Variants in HDAC4 observed in about 807,000 individuals in gnomAD.
The protein encoded by HDAC4 is histone deacetylase A.
Under a neutral mutation model 135.1 loss-of-function variants are expected in HDAC4, and 16 were observed. The ratio of observed to expected loss-of-function variants is 0.12; its 90% confidence interval spans 0.08 to 0.18. The LOEUF (loss-of-function observed/expected upper bound fraction) is 0.18, where lower values mean the gene tolerates loss of function less well. Ranked by LOEUF, HDAC4 falls within the 10% of genes least tolerant of loss-of-function variation. The probability of loss-of-function intolerance (pLI) is 1.00; values close to 1 mark genes in which losing one functional copy is unlikely to be tolerated. For missense variants in HDAC4, 1,143 were observed against 1,511.8 expected (o/e 0.76, Z 4.05); for synonymous variants, 685 against 653.4 (o/e 1.05, Z -0.74).
At chr2:239,064,260 G>C (rs1285536678) in intron 24 of HDAC4, among the ~76,000 whole-genome samples, 1 of 152,360 alleles carries the variant, frequency 6.6e-6, no homozygotes. Flanking sequence ...AATAAAGCAG[G>C]TTTGTCTCAG....
Position 239,245,985 on chromosome 2 carries a change from G to A in HDAC4, c.23-9321C>T, listed in dbSNP as rs1468668639. 6.6e-6 allele frequency among the ~76,000 whole-genome samples: 1 copy of A among 152,160 alleles called. No individual in the cohort carries two copies. Among genetic ancestry groups the A allele is most frequent in the South Asian group, 2.1e-4 (1 of 4,822 alleles). ...GGCCTGGCCCCGGCCCAGCAGAACC[G>A]GCAACCCACACTGGCTGCCTGCGTC... On this transcript the variant is annotated intron_variant, in intron 2 of 26. Coordinates refer to ENST00000543185, the MANE Select transcript of HDAC4 (RefSeq NM_001378414.1). This position sits in a 1 kb window ranked among gnomAD's most constrained non-coding sequence, Gnocchi z 4.4.
intron 6 of HDAC4, chr2:239,162,184 T>C (rs531475591): frequency 6.6e-6 from 3 of 456,762 alleles, no homozygotes; most frequent in East Asian, 1.4e-4. Context: ...TGTGCTCCTC[T>C]TCAGAAAGGG....
chr2:239,388,901 C>T (rs1247767585), intron 1 of HDAC4, among the ~76,000 whole-genome samples: 4 of 152,186 alleles, frequency 2.6e-5, no homozygotes, highest in Non-Finnish European at 5.9e-5. Flanking sequence ...CCGGGTTTTC[C>T]CAGGAAGCAG....
At chr2:239,385,159 G>C (rs1288313235) in intron 1 of HDAC4, among the ~76,000 whole-genome samples, 1 of 152,296 alleles carries the variant, frequency 6.6e-6, no homozygotes, top group East Asian at 1.9e-4. Flanking sequence ...CATAGCCCCT[G>C]ACTGCTTTGC....
At chr2:239,110,498 G>A (rs2038571883) in intron 14 of HDAC4, among the ~76,000 whole-genome samples, 1 of 152,124 alleles carries the variant, frequency 6.6e-6, no homozygotes, top group Non-Finnish European at 1.5e-5. Flanking sequence ...GGGTCATCTG[G>A]CTGCTCCTGT....
chr2:239,144,781 G>GT (rs2041641520), intron 7 of HDAC4, 67 bp from the exon 8 acceptor site: 6 of 1,573,512 alleles, frequency 3.8e-6, no homozygotes, highest in African/African-American at 2.7e-5. Context: ...CCTGTTGGTG[G>GT]TTTTTTAAAA....
intron 2 of HDAC4, among the ~76,000 whole-genome samples, chr2:239,301,268 G>C (rs924864392): frequency 6.6e-6 from 1 of 152,136 alleles, no homozygotes; most frequent in Non-Finnish European, 1.5e-5. Context: ...CCACGACGAG[G>C]GGCGATGGTG....
chr2:239,120,679 G>C (rs904941790), intron 12 of HDAC4, among the ~76,000 whole-genome samples: 1 of 152,028 alleles, frequency 6.6e-6, no homozygotes, highest in East Asian at 2.0e-4. Context: ...ACCCTGTGGG[G>C]CTGCCCCATC....
intron 2 of HDAC4, among the ~76,000 whole-genome samples, chr2:239,343,623 C>T (rs1692436495): frequency 6.6e-6 from 1 of 152,246 alleles, no homozygotes. Flanking sequence ...CAGGGGGCTT[C>T]CATGCCCAGC....
intron 2 of HDAC4, among the ~76,000 whole-genome samples, chr2:239,249,344 G>A (rs955344325): frequency 1.3e-5 from 2 of 152,182 alleles, no homozygotes; most frequent in Non-Finnish European, 2.9e-5. Flanking sequence ...CGGGGGAGGC[G>A]GAGAGAGAGC....
At chr2:239,106,237 G>A (rs2038119985) in intron 15 of HDAC4, among the ~76,000 whole-genome samples, 1 of 152,154 alleles carries the variant, frequency 6.6e-6, no homozygotes, top group Admixed American at 6.5e-5. Flanking sequence ...CAGGGTCTTT[G>A]CTTTCTCACT....
rs1324313734 is a variant in HDAC4, at chr2:239,104,554, C to T, written c.2113-1658G>A. ...CAGGGCTTCTCATTTCTAATGACTT[C>T]AGGAAGCCCACATGTGTGTACAGGC... On this transcript the variant is annotated intron_variant, in intron 15 of 26. Transcript: ENST00000543185. Among the ~76,000 whole-genome samples, 4 of 152,214 alleles carry T rather than the reference C, an allele frequency of 2.6e-5. No homozygotes were observed. In the South Asian group the frequency reaches 8.3e-4, roughly 32 times the overall value.
intron 3 of HDAC4, among the ~76,000 whole-genome samples, chr2:239,229,158 TAAATAA>T (rs1427844330): frequency 7.9e-5 from 12 of 151,996 alleles, no homozygotes; most frequent in Admixed American, 7.2e-4. Flanking sequence ...TCTCAAAAAA[TAAATAA>T]AAATAAAAAT....
At chr2:239,390,224 C>T (rs1273432074) in intron 1 of HDAC4, among the ~76,000 whole-genome samples, 1 of 152,222 alleles carries the variant, frequency 6.6e-6, no homozygotes, top group East Asian at 1.9e-4. Context: ...AGAAATACCT[C>T]CCTGCTCAAT....
At chr2:239,194,952 T>C (rs1223150023) in intron 3 of HDAC4, among the ~76,000 whole-genome samples, 1 of 152,158 alleles carries the variant, frequency 6.6e-6, no homozygotes, top group East Asian at 1.9e-4. Context: ...TCCAGCTCGG[T>C]GCGCGTCTCC....
chr2:239,190,191 C>T, intron 3 of HDAC4, 114 bp from the exon 4 acceptor site: 2 of 1,395,086 alleles, frequency 1.4e-6, no homozygotes, highest in East Asian at 2.4e-5. Flanking sequence ...GGGGTTGTGA[C>T]CATTTGAGGA....
intron 17 of HDAC4, 152 bp downstream of exon 17, chr2:239,094,858 C>A (rs2036858083): frequency 6.4e-7 from 1 of 1,570,872 alleles, no homozygotes. Flanking sequence ...TCTCGGCTCA[C>A]ACGGCCTTTG....
intron 1 of HDAC4, among the ~76,000 whole-genome samples, chr2:239,399,358 T>C (rs534060596): frequency 1.3e-5 from 2 of 152,316 alleles, no homozygotes; most frequent in African/African-American, 4.8e-5. Flanking sequence ...AGTGTATATT[T>C]GTGTACAAGC....
At chr2:239,218,763 A>C (rs2046785432) in intron 3 of HDAC4, among the ~76,000 whole-genome samples, 1 of 136,652 alleles carries the variant, frequency 7.3e-6, no homozygotes, top group Admixed American at 7.3e-5. Context: ...AACTCAAACA[A>C]ATTTACAAGA....
Sources: gnomAD v4.1 joint callset for allele counts (sites outside exome capture counted in the v4.1 genomes callset) on GRCh38, gnomAD v4.1.1 for gene constraint, Gnocchi (gnomAD v3.1) non-coding constraint, MANE v1.5 for transcripts, NCBI Gene and HGNC (gene_info 2026-07-23, HGNC 2026-07-21) for gene names.